Variants in SND1 observed in about 807,000 individuals in gnomAD.
The protein encoded by SND1 is staphylococcal nuclease domain-containing protein 1.
In SND1, 38 loss-of-function variants were observed where a neutral mutation model predicts 121.7. The observed-to-expected ratio is 0.31, with a 90% CI of 0.24 to 0.41. The LOEUF (loss-of-function observed/expected upper bound fraction) is 0.41, where lower values mean the gene tolerates loss of function less well. Among genes scored for constraint, SND1 ranks in the 10% least tolerant of loss-of-function variants. The pLI, the probability that SND1 is intolerant of heterozygous loss-of-function variation, is 1.00. For missense variants in SND1, 868 were observed against 1,184.6 expected (o/e 0.73, Z 3.92); for synonymous variants, 401 against 447.4 (o/e 0.90, Z 1.31).
chr7:127,854,256 G>A (rs570655379), intron 12 of SND1, among the ~76,000 whole-genome samples: 2 of 152,252 alleles, frequency 1.3e-5, no homozygotes, highest in South Asian at 4.1e-4. Flanking sequence ...AGCCTCCCAA[G>A]TAGCTGGGAT....
intron 1 of SND1, among the ~76,000 whole-genome samples, chr7:127,678,076 G>A (rs1795645609): frequency 6.6e-6 from 1 of 152,212 alleles, no homozygotes; most frequent in South Asian, 2.1e-4. Context: ...TATAAACAGA[G>A]ATTTTAATTG....
chr7:127,745,971 A>G (rs1157349552), intron 10 of SND1, among the ~76,000 whole-genome samples: 1 of 152,144 alleles, frequency 6.6e-6, no homozygotes, highest in East Asian at 1.9e-4. Context: ...GCTTATTGTG[A>G]GTTTAGAAAC....
At chr7:128,016,144 C>CTTTTT (rs767867847) in intron 16 of SND1, among the ~76,000 whole-genome samples, 1 of 122,992 alleles carries the variant, frequency 8.1e-6, no homozygotes, top group Non-Finnish European at 1.7e-5. Context: ...GGAACAACTT[C>CTTTTT]CTTTTTTTTT....
chr7:127,991,168 C>T lies in SND1; in HGVS notation c.1779+112C>T, dbSNP rs910030387. The T allele has an allele frequency of 1.3e-5, 9 of 693,670 alleles. No homozygotes were observed. In the Admixed American group the frequency reaches 1.7e-4, roughly 13 times the overall value. The allele number at this position is 693,670 out of a possible 1,614,324, so 43.0% of individuals were successfully genotyped here. On this transcript the variant is annotated intron_variant, in intron 16 of 23. Transcript: ENST00000354725. ...GTTTTTTCCACTGCTCAGCCTTGCA[C>T]ATCCATAATCCATTCTTGTGTCTGC...
At chr7:128,021,123 A>G (rs1803340865) in intron 16 of SND1, among the ~76,000 whole-genome samples, 1 of 152,198 alleles carries the variant, frequency 6.6e-6, no homozygotes, top group Non-Finnish European at 1.5e-5. Context: ...AAGAATATGC[A>G]GTCGTGTCAG....
At position 127,803,817 on chromosome 7, in the gene SND1, A is replaced by G. The variant is rs187222483; in HGVS notation, c.1153-3667A>G. On this transcript the variant is annotated intron_variant, in intron 10 of 23. Coordinates refer to ENST00000354725, the MANE Select transcript of SND1 (RefSeq NM_014390.4). Reference sequence around the variant, plus strand: ...ATGCTAGCTGTATCTTCAGATGCTGAGATGTGGATATTGGGCCTCCTTCCC... The same window carrying G: ...ATGCTAGCTGTATCTTCAGATGCTGGGATGTGGATATTGGGCCTCCTTCCC... Among the ~76,000 whole-genome samples the G allele has an allele frequency of 2.6e-5, 4 of 152,284 alleles. No homozygotes were observed. The East Asian group carries it at 7.7e-4, about 29-fold the overall frequency.
At chr7:128,033,276 C>T (rs577963146) in intron 16 of SND1, among the ~76,000 whole-genome samples, 1 of 152,144 alleles carries the variant, frequency 6.6e-6, no homozygotes, top group South Asian at 2.1e-4. Flanking sequence ...TTCCCACCCC[C>T]CTGAAAAAAG....
chr7:128,057,533 G>A (rs1283679976), intron 16 of SND1, among the ~76,000 whole-genome samples: 1 of 152,148 alleles, frequency 6.6e-6, no homozygotes, highest in Non-Finnish European at 1.5e-5. Flanking sequence ...CTTAGCACAT[G>A]GCTTACATTC....
chr7:127,961,142 C>G (rs1801721552), intron 15 of SND1, among the ~76,000 whole-genome samples: 1 of 152,238 alleles, frequency 6.6e-6, no homozygotes, highest in Non-Finnish European at 1.5e-5. Flanking sequence ...TGTTTTTCCA[C>G]AGCCCTAGCA....
At chr7:127,829,563 CA>C (rs1432803439) in intron 11 of SND1, among the ~76,000 whole-genome samples, 1 of 152,186 alleles carries the variant, frequency 6.6e-6, no homozygotes, top group Non-Finnish European at 1.5e-5. Context: ...ATTCTCAACA[CA>C]CTTTCTCTTA....
chr7:127,901,192 G>A (rs1800224152), intron 13 of SND1, among the ~76,000 whole-genome samples: 1 of 152,184 alleles, frequency 6.6e-6, no homozygotes, highest in South Asian at 2.1e-4. Flanking sequence ...ATGCAGAGGA[G>A]AACCCCACTG....
chr7:128,091,992 GCTGAAC>G lies in SND1; in HGVS notation c.2671_2676del (p.Asn891_Leu892del). On this transcript the variant is annotated inframe_deletion and splice_region_variant, in exon 24 of 24. Transcript: ENST00000354725. Reference sequence around the variant, plus strand: ...GAGCTATTGTCTGTTTTTTCTTACAGCTGAACCTGTGGCGCTATGGAGACTTTCGAG... The same window carrying G: ...GAGCTATTGTCTGTTTTTTCTTACAGCTGTGGCGCTATGGAGACTTTCGAG... The G allele has an allele frequency of 1.2e-6, 2 of 1,614,180 alleles. No homozygotes were observed. The highest frequency in any genetic ancestry group is 1.7e-6 in the Non-Finnish European group (2 of 1,180,012).
chr7:127,982,781 G>A (rs192389502), intron 15 of SND1, among the ~76,000 whole-genome samples: 2 of 152,260 alleles, frequency 1.3e-5, no homozygotes, highest in Non-Finnish European at 2.9e-5. Context: ...CATTGACATC[G>A]TTTGCAACCT....
chr7:127,897,317 A>G (rs1800140497), intron 13 of SND1, among the ~76,000 whole-genome samples: 1 of 152,172 alleles, frequency 6.6e-6, no homozygotes, highest in Admixed American at 6.5e-5. Flanking sequence ...CAAACTGAAC[A>G]TTGTCACAGA....
intron 15 of SND1, among the ~76,000 whole-genome samples, chr7:127,945,226 C>G (rs1039316342): frequency 6.6e-5 from 10 of 152,244 alleles, no homozygotes; most frequent in African/African-American, 2.2e-4. Flanking sequence ...TGCGTGGTGG[C>G]TCACGCCTGT....
At chr7:127,959,790 C>T (rs1801684914) in intron 15 of SND1, among the ~76,000 whole-genome samples, 1 of 152,168 alleles carries the variant, frequency 6.6e-6, no homozygotes, top group African/African-American at 2.4e-5. Flanking sequence ...TTGTTCATTG[C>T]TATGTATATC....
chr7:127,971,619 C>T (rs1023396141), intron 15 of SND1, among the ~76,000 whole-genome samples: 5 of 152,146 alleles, frequency 3.3e-5, no homozygotes, highest in Non-Finnish European at 7.4e-5. Flanking sequence ...CCTCTCTCCC[C>T]TAAGCCCATT....
intron 10 of SND1, among the ~76,000 whole-genome samples, chr7:127,759,365 AT>A (rs1163525956): frequency 6.6e-6 from 1 of 152,068 alleles, no homozygotes; most frequent in Non-Finnish European, 1.5e-5. Context: ...TAATACATTA[AT>A]TTTTTTGTTT....
At chr7:128,048,265 C>CTT (rs572752218) in intron 16 of SND1, among the ~76,000 whole-genome samples, 23 of 138,722 alleles carry the variant, frequency 1.7e-4, no homozygotes, top group East Asian at 2.1e-4. Context: ...GATTTTTTTT[C>CTT]TTTTTTTTTT....
Sources: allele counts gnomAD v4.1 joint callset (sites outside exome capture counted in the v4.1 genomes callset), GRCh38; gene constraint gnomAD v4.1.1; transcripts MANE v1.5; gene names NCBI Gene and HGNC (gene_info 2026-07-23, HGNC 2026-07-21).